SEMA6A: variants seen among roughly 807,000 people sequenced by gnomAD.
SEMA6A encodes semaphorin 6A.
Under a neutral mutation model 96.8 loss-of-function variants are expected in SEMA6A, and 25 were observed. That is an observed-to-expected ratio of 0.26 (90% CI 0.19 to 0.36). The LOEUF (loss-of-function observed/expected upper bound fraction) is 0.36, where lower values mean the gene tolerates loss of function less well. Among genes scored for constraint, SEMA6A ranks in the 10% least tolerant of loss-of-function variants. SEMA6A has a pLI of 1.00. For missense variants in SEMA6A, 1,363 were observed against 1,323.1 expected (o/e 1.03, Z -0.47); for synonymous variants, 612 against 518.0 (o/e 1.18, Z -2.46).
intron 18 of SEMA6A, among the ~76,000 whole-genome samples, chr5:116,452,426 T>G (rs996094114): frequency 2.0e-5 from 3 of 151,844 alleles, no homozygotes; most frequent in South Asian, 2.1e-4. Flanking sequence ...CCACTGTTTT[T>G]TTTTTTTTTT....
intron 2 of SEMA6A, among the ~76,000 whole-genome samples, chr5:116,503,631 C>A (rs1403713709): frequency 6.6e-6 from 1 of 152,060 alleles, no homozygotes; most frequent in Non-Finnish European, 1.5e-5. Context: ...GCTGCCTCAG[C>A]CTCCTGTAGC....
rs1372581371 is a variant in SEMA6A at position 116,508,907 on chromosome 5, C to G, written c.-38-3925G>C. On this transcript the variant is annotated intron_variant, in intron 1 of 18. Transcript: ENST00000343348. The stretch of plus-strand genomic sequence containing the variant: ...CAGGTACAGGACATCAACGTTGCTG[C>G]GTGAGGTATTCTGTTCCTCTTGACC... 2.0e-5 allele frequency among the ~76,000 whole-genome samples: 3 copies of G among 152,194 alleles called. No individual in the cohort carries two copies. In the East Asian group the frequency reaches 5.8e-4, roughly 29 times the overall value.
chr5:116,482,475 G>A lies in SEMA6A; in HGVS notation c.1063C>T (p.Pro355Ser). The part of the protein sequence containing the change: ...EQKSPDSTWT[P>S]VPDERVPKPR... ...TTAGGAACTCGTTCATCAGGAACTG[G>A]TGTCCAGGTGGAATCAGGAGACTTC... The change falls in exon 11 of 19, where the codon CCA becomes TCA. Residue 355 changes from proline (P) to serine (S), a missense_variant. Physicochemically the swap from Pro to Ser is moderately conservative, Grantham distance 74. Transcript: ENST00000343348. 1 of 1,613,520 alleles carries A rather than the reference G, an allele frequency of 6.2e-7. No individual in the cohort carries two copies. Among genetic ancestry groups the A allele is most frequent in the Non-Finnish European group, 8.5e-7 (1 of 1,179,616 alleles).
At position 116,478,657 on chromosome 5, in the gene SEMA6A, C is replaced by T. The variant is rs780858695; in HGVS notation, c.1312G>A (p.Val438Ile). The T allele has an allele frequency of 1.2e-6, 2 of 1,613,660 alleles. No homozygotes were observed. Among genetic ancestry groups the T allele is most frequent in the Non-Finnish European group, 1.7e-6 (2 of 1,179,826 alleles). ...ATTCCCTTCTCTGATCCCAGAAAAA[C>T]CACAGTGTGATTCTGATATGGCCCA... Reference protein sequence around the residue: ...AAGPYQNHTVVFLGSEKGIIL... With the variant: ...AAGPYQNHTVIFLGSEKGIIL... Residue 438 changes from valine (V) to isoleucine (I), a missense_variant, in exon 13 of 19, where the codon GTT (valine) becomes ATT (isoleucine). Transcript: ENST00000343348.
rs1029099690 is a variant in SEMA6A at position 116,487,997 on chromosome 5, T to A, written c.744+111A>T. On this transcript the variant is annotated intron_variant, in intron 9 of 18. Coordinates refer to ENST00000343348, the MANE Select transcript of SEMA6A (RefSeq NM_020796.5). ...CAGATAGGGCCTCCAGACCGCACTC[T>A]GTTATTAGATTTATGGCTCTCATTT... 13 of 655,310 alleles carry A rather than the reference T, an allele frequency of 2.0e-5. No individual in the cohort carries two copies. In the African/African-American group the frequency reaches 2.2e-4, roughly 11 times the overall value. 40.6% of individuals were successfully genotyped at this position (655,310 alleles called of 1,614,324 possible).
chr5:116,542,157 A>G lies in SEMA6A; in HGVS notation c.-39+32028T>C, dbSNP rs1193335994. The stretch of plus-strand genomic sequence containing the variant: ...TGTAGAATTTTTTTTAAGACTTTGC[A>G]TAGGGAATCTCAGATAATTATTTCT... On this transcript the variant is annotated intron_variant, in intron 1 of 18. Transcript: ENST00000343348. 5.3e-5 allele frequency among the ~76,000 whole-genome samples: 8 copies of G among 152,266 alleles called. No homozygotes were observed. The East Asian group carries it at 1.5e-3, about 29-fold the overall frequency.
chr5:116,493,759 C>A (rs1050650198), intron 6 of SEMA6A, among the ~76,000 whole-genome samples: 11 of 152,124 alleles, frequency 7.2e-5, no homozygotes, highest in African/African-American at 2.7e-4. Flanking sequence ...TTTTCTCATT[C>A]TTCCCACTCC....
chr5:116,455,972 C>T (rs929737727), intron 18 of SEMA6A, among the ~76,000 whole-genome samples: 5 of 152,134 alleles, frequency 3.3e-5, no homozygotes, highest in Admixed American at 6.5e-5. Flanking sequence ...GTGCAGAAAA[C>T]GTGTTAATGC....
intron 1 of SEMA6A, among the ~76,000 whole-genome samples, chr5:116,567,237 C>G (rs567785416): frequency 2.6e-5 from 4 of 152,198 alleles, no homozygotes; most frequent in African/African-American, 9.6e-5. Flanking sequence ...TGTTTCCCTG[C>G]AAGTGATGTA....
At chr5:116,468,969 A>T (rs1355265177) in intron 17 of SEMA6A, 5 of 151,364 alleles carry the variant, frequency 3.3e-5, no homozygotes, top group Admixed American at 3.3e-4. Context: ...TTTTTTTTAC[A>T]ATTATTATTG....
At chr5:116,556,093 T>TCCTAACTGGGCACC (rs1429727493) in intron 1 of SEMA6A, among the ~76,000 whole-genome samples, 388 of 152,088 alleles carry the variant, frequency 2.6e-3, no homozygotes, top group Non-Finnish European at 4.4e-3. Flanking sequence ...AACTGGGCAC[T>TCCTAACTGGGCACC]GGACCCAACA....
chr5:116,535,351 G>C (rs1398886795), intron 1 of SEMA6A, among the ~76,000 whole-genome samples: 5 of 152,254 alleles, frequency 3.3e-5, no homozygotes, highest in Non-Finnish European at 5.9e-5. Context: ...GTTTGCAGCT[G>C]GTTAGGGGAA....
intron 1 of SEMA6A, among the ~76,000 whole-genome samples, chr5:116,512,699 C>T (rs1464484270): frequency 2.0e-5 from 3 of 152,134 alleles, no homozygotes; most frequent in Admixed American, 6.5e-5. Context: ...CCCACCACCC[C>T]CACCCCAAAC....
At chr5:116,515,494 A>T (rs1033482948) in intron 1 of SEMA6A, among the ~76,000 whole-genome samples, 3 of 152,204 alleles carry the variant, frequency 2.0e-5, no homozygotes, top group Non-Finnish European at 4.4e-5. Flanking sequence ...AAAAAATAGT[A>T]TGCCTGAATC....
rs372030416 is a variant in SEMA6A at position 116,527,218 on chromosome 5, CA to C, written c.-38-22237del. Among the ~76,000 whole-genome samples, 51 of 152,036 alleles carry C rather than the reference CA, an allele frequency of 3.4e-4. No individual in the cohort carries two copies. The East Asian group carries it at 5.8e-3, about 17-fold the overall frequency. Reference sequence around the variant, plus strand: ...AATTCAAACACAAGTTAATTCTTCACAGTCATACTTAACATTATATATTTTT... The same window carrying C: ...AATTCAAACACAAGTTAATTCTTCACGTCATACTTAACATTATATATTTTT... On this transcript the variant is annotated intron_variant, in intron 1 of 18. Transcript: ENST00000343348.
rs1274202063 is a variant in SEMA6A at position 116,559,514 on chromosome 5, CCGCCTGGGCTCATTACAA to C, written c.-39+14653_-39+14670del. Among the ~76,000 whole-genome samples the C allele has an allele frequency of 1.6e-4, 25 of 152,220 alleles. No homozygotes were observed. The East Asian group carries it at 4.8e-3, about 29-fold the overall frequency. Reference sequence around the variant, plus strand: ...GGCTGACGCCGTTTTAGGCCTCAGCCCGCCTGGGCTCATTACAACAGCGCGTTACTCCACACCGCCTTG... The same window carrying C: ...GGCTGACGCCGTTTTAGGCCTCAGCCCAGCGCGTTACTCCACACCGCCTTG... On this transcript the variant is annotated intron_variant, in intron 1 of 18. Coordinates refer to ENST00000343348, the MANE Select transcript of SEMA6A (RefSeq NM_020796.5).
intron 18 of SEMA6A, among the ~76,000 whole-genome samples, chr5:116,461,161 C>A (rs75191864): frequency 0.023 from 3,565 of 152,292 alleles, 65 homozygotes; most frequent in Middle Eastern, 0.041. Flanking sequence ...TGCCTTTCCT[C>A]TAACCTTCAA....
chr5:116,446,788 C>T lies in SEMA6A; in HGVS notation c.2918G>A (p.Ser973Asn), dbSNP rs745878750. Residue 973 changes from serine to asparagine, a missense_variant, in exon 19 of 19, where the codon AGC (serine) becomes AAC (asparagine). By Grantham distance (46) the Ser-to-Asn change is conservative (BLOSUM62 1). Coordinates refer to ENST00000343348, the MANE Select transcript of SEMA6A (RefSeq NM_020796.5). ...PQRVDSIQVH[S>N]SQPSGQAVTV... ...CACGGCCTGGCCAGATGGCTGGGAG[C>T]TGTGCACCTGGATGGAGTCCACCCT... The T allele has an allele frequency of 1.2e-6, 2 of 1,612,404 alleles. No individual in the cohort carries two copies. The highest frequency in any genetic ancestry group is 1.7e-6 in the Non-Finnish European group (2 of 1,179,234).
intron 1 of SEMA6A, among the ~76,000 whole-genome samples, chr5:116,539,908 A>G (rs1759886753): frequency 6.6e-6 from 1 of 152,190 alleles, no homozygotes; most frequent in Non-Finnish European, 1.5e-5. Flanking sequence ...TTAAACTCAC[A>G]GGAGATATAG....
Sources: gnomAD v4.1 joint callset for allele counts (sites outside exome capture counted in the v4.1 genomes callset) on GRCh38, gnomAD v4.1.1 for gene constraint, MANE v1.5 for transcripts, NCBI Gene and HGNC (gene_info 2026-07-23, HGNC 2026-07-21) for gene names.